The following PDE4A variants were observed in gnomAD, a reference collection of about 807,000 sequenced individuals.
The protein encoded by PDE4A is 3',5'-cyclic-AMP phosphodiesterase 4A.
PDE4A carries 21 observed loss-of-function variants against 73.9 expected under a neutral mutation model. The observed-to-expected ratio is 0.28, with a 90% confidence interval of 0.20 to 0.41. The LOEUF (loss-of-function observed/expected upper bound fraction) is 0.41, where lower values mean the gene tolerates loss of function less well. Among genes scored for constraint, PDE4A ranks in the 10% least tolerant of loss-of-function variants. The pLI, the probability that PDE4A is intolerant of heterozygous loss-of-function variation, is 1.00. For missense variants in PDE4A, 958 were observed against 1,211.4 expected (o/e 0.79, Z 3.10); for synonymous variants, 463 against 505.4 (o/e 0.92, Z 1.13).
chr19:10,445,704 G>T (rs897008546), intron 1 of PDE4A, among the ~76,000 whole-genome samples: 1 of 149,970 alleles, frequency 6.7e-6, no homozygotes, highest in African/African-American at 2.4e-5. Context: ...GGAGGTGGAG[G>T]TTGCAGTGAG....
In PDE4A at chr19:10,420,662, G is replaced by C. The variant is rs1367030134; in HGVS notation, c.-103G>C. On this transcript the variant is annotated 5_prime_UTR_variant, in exon 1 of 15. Transcript: ENST00000380702. This position sits in a 1 kb window ranked among gnomAD's most constrained non-coding sequence, Gnocchi z 6.0. The stretch of plus-strand genomic sequence containing the variant: ...GGGGCGCCATGGCCCTACCGCGGCC[G>C]GGCGCACCCGCGGGGCCCTGGGCTC... 5 of 1,363,744 alleles carry C rather than the reference G, an allele frequency of 3.7e-6. No homozygotes were observed. Among genetic ancestry groups the C allele is most frequent in the Non-Finnish European group, 4.7e-6 (5 of 1,066,578 alleles). The allele number at this position is 1,363,744 out of a possible 1,614,324, so 84.5% of individuals were successfully genotyped here.
chr19:10,461,700 G>A lies in PDE4A; in HGVS notation c.1620+20G>A. 1 of 598,460 alleles carries A rather than the reference G, an allele frequency of 1.7e-6. No individual in the cohort carries two copies. The highest frequency in any genetic ancestry group is 1.4e-5 in the South Asian group (1 of 72,090). 37.1% of individuals were successfully genotyped at this position (598,460 alleles called of 1,614,324 possible). On this transcript the variant is annotated intron_variant, in intron 12 of 14. Transcript: ENST00000380702. Reference sequence around the variant, plus strand: ...GACATGGTGGGCGGGGCTGGGGCGGGACGGAGCGGGAAAGGAAGCCTAGGA... The same window carrying A: ...GACATGGTGGGCGGGGCTGGGGCGGAACGGAGCGGGAAAGGAAGCCTAGGA...
At chr19:10,418,735 C>T, upstream of PDE4A, 1 of 984,956 alleles carries the variant, frequency 1.0e-6, no homozygotes, top group South Asian at 4.7e-5. Context: ...GTCCTGACAC[C>T]CCCACCCACC....
At position 10,461,659 on chromosome 19, in the gene PDE4A, A is replaced by G. The variant is rs775730053; in HGVS notation, c.1599A>G (p.Leu533=). The change falls in exon 12 of 15, where the codon CTA becomes CTG. Residue 533 remains leucine, a synonymous_variant. Transcript: ENST00000380702. ...QNLSKRQRQS[L]RKMVIDMVLA... is the part of the protein sequence containing the mutation. Reference sequence around the variant, plus strand: ...TCAGCAAGCGCCAGCGGCAGAGCCTACGCAAGATGGTCATCGACATGGTGG... The same window carrying G: ...TCAGCAAGCGCCAGCGGCAGAGCCTGCGCAAGATGGTCATCGACATGGTGG... The G allele has an allele frequency of 8.7e-7, 1 of 1,143,160 alleles. No homozygotes were observed. The highest frequency in any genetic ancestry group is 1.2e-5 in the South Asian group (1 of 82,860). 70.8% of individuals were successfully genotyped at this position (1,143,160 alleles called of 1,614,324 possible).
intron 6 of PDE4A, 34 bp from the exon 7 acceptor site, chr19:10,454,795 C>A (rs1325513303): frequency 1.2e-6 from 2 of 1,613,380 alleles, no homozygotes; most frequent in South Asian, 1.1e-5. Context: ...GTGCTTCCCC[C>A]ATCATTTCTT....
chr19:10,418,924 G>A, upstream of PDE4A: 1 of 985,222 alleles, frequency 1.0e-6, no homozygotes, highest in Non-Finnish European at 1.2e-6. Flanking sequence ...AGAGAAGTGG[G>A]GAACACAGTT....
intron 1 of PDE4A, among the ~76,000 whole-genome samples, chr19:10,441,312 A>G (rs138517309): frequency 0.1 from 15,811 of 152,112 alleles, 1,008 homozygotes; most frequent in South Asian, 0.21. Context: ...TATTTTTAGT[A>G]GAGACGGTTT....
intron 1 of PDE4A, chr19:10,432,543 C>A: frequency 6.6e-7 from 1 of 1,525,104 alleles, no homozygotes; most frequent in Non-Finnish European, 8.8e-7. Flanking sequence ...TGAGGACACC[C>A]GTCGGCACCC....
chr19:10,467,690 C>T lies in PDE4A; in HGVS notation c.*69C>T, dbSNP rs2043404461. 1 of 1,207,766 alleles carries T rather than the reference C, an allele frequency of 8.3e-7. No homozygotes were observed. The highest frequency in any genetic ancestry group is 1.5e-5 in the South Asian group (1 of 64,980). 74.8% of individuals were successfully genotyped at this position (1,207,766 alleles called of 1,614,324 possible). A position where few individuals can be genotyped will look rare whatever the true frequency, so the allele number is the denominator to read the frequency against. On this transcript the variant is annotated 3_prime_UTR_variant, in exon 15 of 15. Coordinates refer to ENST00000380702, the MANE Select transcript of PDE4A (RefSeq NM_001111307.2). Reference sequence around the variant, plus strand: ...TCCCCTGCTCCCCCGACCACCTCCTCCTCTGCCTCAAAGACTCTTGTCCTC... The same window carrying T: ...TCCCCTGCTCCCCCGACCACCTCCTTCTCTGCCTCAAAGACTCTTGTCCTC...
rs80348279 is a variant in PDE4A at position 10,463,529 on chromosome 19, T to C, written c.1744-264T>C. On this transcript the variant is annotated intron_variant, in intron 13 of 14. Transcript: ENST00000380702. ...CAATTCTCCTGCCTCAGCCCCACTATAGCTGGGATTACAGGCATGTGCCAC... is the reference window on the plus strand; with the variant it reads ...CAATTCTCCTGCCTCAGCCCCACTACAGCTGGGATTACAGGCATGTGCCAC... Among the ~76,000 whole-genome samples, 776 of 150,876 alleles carry C rather than the reference T, an allele frequency of 5.1e-3. 12 individuals are homozygous for C. Among genetic ancestry groups the C allele is most frequent in the East Asian group, 0.033 (170 of 5,100 alleles).
chr19:10,450,762 G>T lies in PDE4A; in HGVS notation c.671-67G>T, dbSNP rs143662386. 2.5e-3 allele frequency: 4,004 copies of T among 1,578,224 alleles called. 169 individuals carry two copies. In the East Asian group the frequency reaches 0.075, roughly 30 times the overall value. ...CTCACCTGGCGAACCCCGTCACGGCGGTCTGGAGCCTCTGGGCTTCTGCCT... is the reference window on the plus strand; with the variant it reads ...CTCACCTGGCGAACCCCGTCACGGCTGTCTGGAGCCTCTGGGCTTCTGCCT... On this transcript the variant is annotated intron_variant, in intron 5 of 14. Coordinates refer to ENST00000380702, the MANE Select transcript of PDE4A (RefSeq NM_001111307.2).
chr19:10,452,987 G>A, intron 6 of PDE4A: 1 of 1,268,944 alleles, frequency 7.9e-7, no homozygotes, highest in Non-Finnish European at 1.0e-6. Flanking sequence ...CCCTTGCCCT[G>A]CCCCCCTCCC....
rs201453574 is a variant in PDE4A, at chr19:10,420,806, G to A, written c.42G>A (p.Leu14=). The part of the protein sequence containing the change: ...PTVPSERSLS[L]SLPGPREGQA... ...TCCCCTCGGAAAGGAGCCTGTCTCT[G>A]TCACTGCCCGGGCCCCGGGAGGGCC... Residue 14 remains leucine (L), a synonymous_variant, in exon 1 of 15, where the codon CTG becomes CTA. Transcript: ENST00000380702. This position sits in a 1 kb window ranked among gnomAD's most constrained non-coding sequence, Gnocchi z 6.0. 1,405 of 1,586,046 alleles carry A rather than the reference G, an allele frequency of 8.9e-4. 12 individuals are homozygous for A. The South Asian group carries it at 0.015, about 17-fold the overall frequency.
Position 10,420,939 on chromosome 19 carries a change from C to A in PDE4A, c.175C>A (p.Arg59=), listed in dbSNP as rs1190382397. ...SDSAERAERE[R]QPHRPIERAD... The stretch of plus-strand genomic sequence containing the variant: ...CAGCGCGGAGCGCGCCGAGCGGGAG[C>A]GGCAGCCGCACCGGCCCATAGAGCG... Residue 59 remains arginine (R), a synonymous_variant, in exon 1 of 15, where the codon CGG becomes AGG. Coordinates refer to ENST00000380702, the MANE Select transcript of PDE4A (RefSeq NM_001111307.2). The surrounding 1 kb of genome is among the most constrained non-coding windows in gnomAD (Gnocchi z 6.0). 1.3e-6 allele frequency: 2 copies of A among 1,568,280 alleles called. No individual in the cohort carries two copies. Among genetic ancestry groups the A allele is most frequent in the Non-Finnish European group, 8.6e-7 (1 of 1,166,320 alleles).
intron 1 of PDE4A, among the ~76,000 whole-genome samples, chr19:10,443,733 G>T (rs552404255): frequency 6.6e-6 from 1 of 151,970 alleles, no homozygotes; most frequent in African/African-American, 2.4e-5. Context: ...CAGGCCAGGC[G>T]CAGTGGCTCA....
At chr19:10,465,450 C>T (rs1211801602) in intron 14 of PDE4A, among the ~76,000 whole-genome samples, 1 of 151,056 alleles carries the variant, frequency 6.6e-6, no homozygotes, top group Non-Finnish European at 1.5e-5. Context: ...GAACTCCCGA[C>T]CTCAGGTGAT....
upstream of PDE4A, chr19:10,416,917 T>A: frequency 6.5e-7 from 1 of 1,538,434 alleles, no homozygotes; most frequent in Non-Finnish European, 8.7e-7. Flanking sequence ...GCCACCGCAG[T>A]CCCAACGGCG....
intron 13 of PDE4A, among the ~76,000 whole-genome samples, chr19:10,463,102 GTT>G (rs34214178): frequency 0.021 from 3,042 of 143,300 alleles, 106 homozygotes; most frequent in African/African-American, 0.074. Context: ...TCTGTTTTTG[GTT>G]TTTTTTTTTT....
chr19:10,462,790 G>A (rs1169954233), intron 13 of PDE4A, among the ~76,000 whole-genome samples: 2 of 150,934 alleles, frequency 1.3e-5, no homozygotes, highest in Non-Finnish European at 2.9e-5. Context: ...CCCCCCTTCC[G>A]ACTCCTCCCA....
Sources: allele counts gnomAD v4.1 joint callset (sites outside exome capture counted in the v4.1 genomes callset), GRCh38; gene constraint gnomAD v4.1.1; non-coding constraint Gnocchi (gnomAD v3.1); transcripts MANE v1.5; gene names NCBI Gene and HGNC (gene_info 2026-07-23, HGNC 2026-07-21).